The following RIMS2 variants were observed in gnomAD, a reference collection of about 807,000 sequenced individuals.
RIMS2 encodes the protein regulating synaptic membrane exocytosis protein 2.
Under a neutral mutation model 174.4 loss-of-function variants are expected in RIMS2, and 59 were observed. The observed-to-expected ratio is 0.34, with a 90% CI of 0.27 to 0.42. The LOEUF (loss-of-function observed/expected upper bound fraction) is 0.42, where lower values mean the gene tolerates loss of function less well. RIMS2 is among the 10% of genes least tolerant of loss of function. The pLI is 1.00. For missense variants in RIMS2, 1,620 were observed against 1,666.3 expected, an observed-to-expected ratio of 0.97 and a Z score of 0.48; for synonymous variants, 606 against 572.5, an observed-to-expected ratio of 1.06 and a Z score of -0.84.
At chr8:104,146,851 C>G (rs1334849662) in intron 19 of RIMS2, among the ~76,000 whole-genome samples, 2 of 152,070 alleles carry the variant, frequency 1.3e-5, no homozygotes, top group Non-Finnish European at 2.9e-5. Flanking sequence ...CATGTGCCAC[C>G]ATGCCTGGCT....
rs557059593 is a variant in RIMS2, at chr8:103,991,090, T to G, written c.3044+1669T>G. On this transcript the variant is annotated intron_variant, in intron 17 of 23. Coordinates refer to ENST00000504942, the Ensembl canonical transcript of RIMS2. ...CAGAGATATCCTACAATGTGCATTT[T>G]TATGGTCTGTCCCAATTTATGTCTG... is the stretch of plus-strand genomic sequence containing the variant. Among the ~76,000 whole-genome samples the G allele has an allele frequency of 8.6e-5, 13 of 151,956 alleles. No individual in the cohort carries two copies. The Middle Eastern group carries it at 0.017, about 199-fold the overall frequency.
At chr8:103,996,317 A>C (rs1190862470) in intron 17 of RIMS2, among the ~76,000 whole-genome samples, 1 of 151,866 alleles carries the variant, frequency 6.6e-6, no homozygotes. Flanking sequence ...AGAGTTTGAA[A>C]ACCACTGCTT....
intron 19 of RIMS2, among the ~76,000 whole-genome samples, chr8:104,201,172 A>T (rs2099052981): frequency 6.6e-6 from 1 of 151,916 alleles, no homozygotes; most frequent in African/African-American, 2.4e-5. Flanking sequence ...TATTGTTCCC[A>T]TCTTTGTGTC....
intron 3 of RIMS2, among the ~76,000 whole-genome samples, chr8:103,810,164 A>C (rs988900694): frequency 1.3e-5 from 2 of 152,176 alleles, no homozygotes; most frequent in African/African-American, 2.4e-5. Flanking sequence ...AGCTCTCCAA[A>C]GACTTCTGCC....
chr8:104,078,137 C>T (rs943310409), intron 19 of RIMS2, among the ~76,000 whole-genome samples: 3 of 147,646 alleles, frequency 2.0e-5, no homozygotes, highest in African/African-American at 7.6e-5. Flanking sequence ...AAGACTCCAT[C>T]TCAAAAACAA....
intron 19 of RIMS2, among the ~76,000 whole-genome samples, chr8:104,088,983 A>G (rs1598560791): frequency 6.6e-6 from 1 of 151,974 alleles, no homozygotes; most frequent in East Asian, 1.9e-4. Flanking sequence ...CCTGAAGAAT[A>G]ATCATTTCCT....
intron 2 of RIMS2, among the ~76,000 whole-genome samples, chr8:103,717,384 A>G (rs901647875): frequency 6.6e-6 from 1 of 151,234 alleles, no homozygotes; most frequent in African/African-American, 2.4e-5. Context: ...CAATTTCTGT[A>G]GACATGTCCC....
At chr8:103,921,890 C>A in intron 10 of RIMS2, 106 bp downstream of exon 13, 1 of 489,722 alleles carries the variant, frequency 2.0e-6, no homozygotes. Flanking sequence ...CATAATTGTG[C>A]TTTTAACCTC....
chr8:103,763,647 T>C (rs2098136383), intron 2 of RIMS2, among the ~76,000 whole-genome samples: 1 of 152,108 alleles, frequency 6.6e-6, no homozygotes, highest in African/African-American at 2.4e-5. Flanking sequence ...CCAGGCAATG[T>C]GAGAAGGATA....
chr8:103,906,707 C>T (rs1426356382), intron 4 of RIMS2, among the ~76,000 whole-genome samples: 1 of 152,144 alleles, frequency 6.6e-6, no homozygotes, highest in African/African-American at 2.4e-5. Context: ...AATTTTCTTA[C>T]TGTCACACAA....
At chr8:104,002,208 G>C (rs1176406225) in intron 17 of RIMS2, among the ~76,000 whole-genome samples, 2 of 151,770 alleles carry the variant, frequency 1.3e-5, no homozygotes, top group East Asian at 3.9e-4. Flanking sequence ...GTTTCATTAA[G>C]TTATTTCTAC....
intron 8 of RIMS2, among the ~76,000 whole-genome samples, chr8:103,917,441 T>C (rs2076821838): frequency 1.3e-5 from 2 of 152,206 alleles, no homozygotes; most frequent in African/African-American, 4.8e-5. Flanking sequence ...TTTTGTCCTT[T>C]CATAGTTTTA....
intron 19 of RIMS2, among the ~76,000 whole-genome samples, chr8:104,048,403 G>A (rs1225870683): frequency 2.0e-5 from 3 of 152,034 alleles, no homozygotes; most frequent in African/African-American, 4.8e-5. Context: ...AAAACACCAT[G>A]GTGATGCCTG....
intron 16 of RIMS2, among the ~76,000 whole-genome samples, chr8:103,978,816 G>C (rs906416895): frequency 6.6e-6 from 1 of 152,148 alleles, no homozygotes; most frequent in African/African-American, 2.4e-5. Flanking sequence ...CAATGGCTTA[G>C]AAAATTTGAA....
At chr8:103,642,970 A>T (rs1229449082) in intron 1 of RIMS2, among the ~76,000 whole-genome samples, 1 of 151,772 alleles carries the variant, frequency 6.6e-6, no homozygotes, top group Non-Finnish European at 1.5e-5. Context: ...ATTTTAGAAA[A>T]TTTTCAGTTG....
At chr8:103,587,223 A>G (rs537436369) in intron 1 of RIMS2, among the ~76,000 whole-genome samples, 20 of 152,134 alleles carry the variant, frequency 1.3e-4, no homozygotes, top group African/African-American at 4.6e-4. Flanking sequence ...AAATTCTTTC[A>G]GTAAAGAAAG....
intron 19 of RIMS2, among the ~76,000 whole-genome samples, chr8:104,241,198 T>C (rs187899549): frequency 1.4e-3 from 210 of 152,264 alleles, no homozygotes; most frequent in Middle Eastern, 3.4e-3. Flanking sequence ...GCTCCCCATT[T>C]AGTTATATTC....
chr8:103,892,353 C>T (rs2154521816), intron 4 of RIMS2, among the ~76,000 whole-genome samples: 2 of 151,816 alleles, frequency 1.3e-5, no homozygotes, highest in Middle Eastern at 3.4e-3. Flanking sequence ...CAGGCTTTCA[C>T]CACCGAGCCC....
At chr8:103,676,877 A>G (rs925410489) in intron 1 of RIMS2, among the ~76,000 whole-genome samples, 1 of 152,138 alleles carries the variant, frequency 6.6e-6, no homozygotes. Context: ...TCAGTTACTC[A>G]GGAGCCTGAG....
Sources: allele counts gnomAD v4.1 joint callset (sites outside exome capture counted in the v4.1 genomes callset), GRCh38; gene constraint gnomAD v4.1.1; transcripts MANE v1.5; gene names NCBI Gene and HGNC (gene_info 2026-07-23, HGNC 2026-07-21).